SOX5: variants seen among roughly 807,000 people sequenced by gnomAD.
The protein encoded by SOX5 is transcription factor SOX-5.
In SOX5, 9 loss-of-function variants were observed where a neutral mutation model predicts 92.0. The ratio of observed to expected loss-of-function variants is 0.10; its 90% CI spans 0.06 to 0.17. The LOEUF (loss-of-function observed/expected upper bound fraction) is 0.17. Ranked by LOEUF, SOX5 falls within the 10% of genes least tolerant of loss-of-function variation. The probability of loss-of-function intolerance (pLI) is 1.00; values close to 1 mark genes in which losing one functional copy is unlikely to be tolerated. For synonymous variants in SOX5, 344 were observed against 336.3 expected, an observed-to-expected ratio of 1.02 and a Z score of -0.25; for missense variants, 642 against 944.5, an observed-to-expected ratio of 0.68 and a Z score of 4.20.
At chr12:24,060,637 G>A (rs1030533679) in intron 4 of SOX5, among the ~76,000 whole-genome samples, 2 of 152,136 alleles carry the variant, frequency 1.3e-5, no homozygotes, top group African/African-American at 4.8e-5. Context: ...TTAGGCATAG[G>A]ACCATACCCT....
At chr12:24,195,074 G>A (rs1020504358) in intron 4 of SOX5, among the ~76,000 whole-genome samples, 1 of 151,220 alleles carries the variant, frequency 6.6e-6, no homozygotes, top group Non-Finnish European at 1.5e-5. Context: ...CAATAATTAA[G>A]CGATTCTTTT....
chr12:24,338,382 C>G (rs563115669), intron 2 of SOX5, among the ~76,000 whole-genome samples: 7 of 152,104 alleles, frequency 4.6e-5, no homozygotes, highest in South Asian at 2.1e-4. Flanking sequence ...GTGCTCTGTT[C>G]TTCATGTAAA....
chr12:23,540,915 C>T (rs1941896630), intron 13 of SOX5, among the ~76,000 whole-genome samples: 1 of 152,088 alleles, frequency 6.6e-6, no homozygotes, highest in Admixed American at 6.5e-5. Context: ...TTTCTTTGTA[C>T]TTTTGTATGA....
chr12:23,661,798 T>C (rs540695791), intron 7 of SOX5, among the ~76,000 whole-genome samples: 1 of 152,314 alleles, frequency 6.6e-6, no homozygotes, highest in South Asian at 2.1e-4. Flanking sequence ...TTCATTTGTA[T>C]ACCCAGTTAT....
Position 23,846,080 on chromosome 12 carries a change from G to T in SOX5, c.384C>A (p.Ala128=). ...CCTTGCGCCGTTCAGGAGTTCCCAGGGCTGTACTAGACAAGGACTCGCCAC... is the reference window on the plus strand; with the variant it reads ...CCTTGCGCCGTTCAGGAGTTCCCAGTGCTGTACTAGACAAGGACTCGCCAC... The part of the protein sequence containing the change: ...RQSGESLSST[A]LGTPERRKGS... The change falls in exon 3 of 15, where the codon GCC becomes GCA. Residue 128 remains alanine (A), a synonymous_variant. Transcript: ENST00000451604. 1 of 1,614,060 alleles carries T rather than the reference G, an allele frequency of 6.2e-7. No individual in the cohort carries two copies. The highest frequency in any genetic ancestry group is 8.5e-7 in the Non-Finnish European group (1 of 1,179,994).
intron 2 of SOX5, among the ~76,000 whole-genome samples, chr12:23,856,117 A>C (rs1258551816): frequency 6.6e-6 from 1 of 152,156 alleles, no homozygotes; most frequent in African/African-American, 2.4e-5. Flanking sequence ...TAGCCAAATT[A>C]CTTATTCACA....
intron 4 of SOX5, among the ~76,000 whole-genome samples, chr12:24,210,334 C>G (rs993613286): frequency 6.6e-6 from 1 of 152,182 alleles, no homozygotes; most frequent in Non-Finnish European, 1.5e-5. Flanking sequence ...TCAAAGATGG[C>G]AAGTCACCCA....
At chr12:24,213,718 T>C (rs1396130434) in intron 3 of SOX5, among the ~76,000 whole-genome samples, 1 of 151,828 alleles carries the variant, frequency 6.6e-6, no homozygotes, top group East Asian at 1.9e-4. Flanking sequence ...TTTTTATTAA[T>C]GACATTTCAA....
intron 6 of SOX5, among the ~76,000 whole-genome samples, chr12:23,710,815 C>T (rs2091977659): frequency 6.6e-6 from 1 of 152,192 alleles, no homozygotes; most frequent in Non-Finnish European, 1.5e-5. Flanking sequence ...GGAATCGCCA[C>T]ACTGTCTTCC....
intron 4 of SOX5, among the ~76,000 whole-genome samples, chr12:24,073,074 G>T (rs963036248): frequency 1.1e-4 from 16 of 152,108 alleles, no homozygotes; most frequent in Admixed American, 1.0e-3. Flanking sequence ...TCTTATGATG[G>T]AATATACTTT....
intron 1 of SOX5, among the ~76,000 whole-genome samples, chr12:24,502,266 T>C (rs965785450): frequency 1.3e-5 from 2 of 152,066 alleles, no homozygotes; most frequent in African/African-American, 4.8e-5. Flanking sequence ...AGGGATAATA[T>C]GAGATAAACC....
chr12:23,797,512 G>A (rs754632780), intron 3 of SOX5, among the ~76,000 whole-genome samples: 2 of 151,562 alleles, frequency 1.3e-5, no homozygotes, highest in African/African-American at 2.4e-5. Flanking sequence ...CACCCCTCTC[G>A]CCCTTCCACA....
At chr12:24,388,228 T>C (rs1958622595) in intron 1 of SOX5, among the ~76,000 whole-genome samples, 1 of 152,206 alleles carries the variant, frequency 6.6e-6, no homozygotes, top group Admixed American at 6.5e-5. Flanking sequence ...GTCTCAGTTT[T>C]GGAGTGACAC....
intron 3 of SOX5, among the ~76,000 whole-genome samples, chr12:24,239,745 A>T (rs1040307286): frequency 6.6e-6 from 1 of 152,240 alleles, no homozygotes; most frequent in African/African-American, 2.4e-5. Context: ...AAGACAAGAA[A>T]ACAAAAGTTT....
Position 24,553,188 on chromosome 12 carries a change from C to A in SOX5, c.-251+9141G>T, listed in dbSNP as rs780293220. Among the ~76,000 whole-genome samples, 104 of 152,150 alleles carry A rather than the reference C, an allele frequency of 6.8e-4. 2 individuals carry two copies. Among genetic ancestry groups the A allele is most frequent in the Non-Finnish European group, 1.5e-4 (10 of 68,024 alleles). ...ACAGAGAGGAATCCCACACCAACAC[C>A]TTGTGATGGAAGAGAATAAAAGTGG... On this transcript the variant is annotated intron_variant, in intron 1 of 4. Coordinates refer to the SOX5 transcript ENST00000446891.
chr12:23,637,824 A>ACT (rs1280632323), intron 8 of SOX5: 3 of 152,270 alleles, frequency 2.0e-5, no homozygotes, highest in Non-Finnish European at 4.4e-5. Context: ...GTAACTAAAG[A>ACT]CACAGTAATG....
chr12:23,762,029 A>T (rs1042753725), intron 3 of SOX5, among the ~76,000 whole-genome samples: 1 of 152,182 alleles, frequency 6.6e-6, no homozygotes, highest in Non-Finnish European at 1.5e-5. Context: ...TCTGGAAATC[A>T]TATATCAGTA....
chr12:24,322,225 C>T (rs887695160), intron 2 of SOX5, among the ~76,000 whole-genome samples: 2 of 152,110 alleles, frequency 1.3e-5, no homozygotes, highest in African/African-American at 4.8e-5. Flanking sequence ...TAACATGCTA[C>T]ACCGATGGTA....
At chr12:23,751,033 T>G (rs2141163109) in intron 4 of SOX5, among the ~76,000 whole-genome samples, 1 of 152,006 alleles carries the variant, frequency 6.6e-6, no homozygotes, top group Middle Eastern at 3.4e-3. Context: ...TTAGTTCTTG[T>G]GAAATAGTTT....
Sources: allele counts gnomAD v4.1 joint callset (sites outside exome capture counted in the v4.1 genomes callset), GRCh38; gene constraint gnomAD v4.1.1; transcripts MANE v1.5; gene names NCBI Gene and HGNC (gene_info 2026-07-23, HGNC 2026-07-21).